Variants in SHROOM3 observed in about 807,000 individuals in gnomAD.
The protein encoded by SHROOM3 is shroom family member 3.
SHROOM3 carries 47 observed loss-of-function variants against 138.6 expected under a neutral mutation model. That is an observed-to-expected ratio of 0.34 (90% CI 0.27 to 0.43). The LOEUF (loss-of-function observed/expected upper bound fraction) is 0.43. Among genes scored for constraint, SHROOM3 ranks in the 20% least tolerant of loss-of-function variants. The pLI is 1.00. For missense variants in SHROOM3, 2,491 were observed against 2,596.5 expected, an observed-to-expected ratio of 0.96 and a Z score of 0.88; for synonymous variants, 1,062 against 1,063.3, an observed-to-expected ratio of 1.00 and a Z score of 0.02.
rs1337326966 is a variant in SHROOM3, at chr4:76,633,671, AAAAAAAAG to A, written c.324-76480_324-76473del. ...GACTCCGTCTCAAAAAAAAAAAAAA[AAAAAAAAG>A]AAAAGAAATTCTGCAACACACCTTG... On this transcript the variant is annotated intron_variant, in intron 2 of 10. Coordinates refer to ENST00000296043, the MANE Select transcript of SHROOM3 (RefSeq NM_020859.4). Among the ~76,000 whole-genome samples, 930 of 150,568 alleles carry A rather than the reference AAAAAAAAG, an allele frequency of 6.2e-3. 8 individuals are homozygous for A. Among genetic ancestry groups the A allele is most frequent in the African/African-American group, 0.022 (891 of 40,870 alleles).
intron 1 of SHROOM3, among the ~76,000 whole-genome samples, chr4:76,547,533 G>A (rs1329329717): frequency 6.6e-6 from 1 of 152,236 alleles, no homozygotes; most frequent in East Asian, 1.9e-4. Context: ...TGCTGTTCTG[G>A]GCGTCGGGGA....
intron 1 of SHROOM3, among the ~76,000 whole-genome samples, chr4:76,476,974 T>A (rs12651663): frequency 0.076 from 11,612 of 152,194 alleles, 787 homozygotes; most frequent in East Asian, 0.26. Flanking sequence ...GTTTTTAATT[T>A]ATTTATTTTT....
intron 2 of SHROOM3, among the ~76,000 whole-genome samples, chr4:76,635,105 A>G (rs932121692): frequency 6.6e-6 from 1 of 152,200 alleles, no homozygotes; most frequent in African/African-American, 2.4e-5. Flanking sequence ...TGATATTATC[A>G]TCTTAAAGTT....
At chr4:76,755,297 GTTTC>G in intron 7 of SHROOM3, 105 bp downstream of exon 7, 1 of 1,340,410 alleles carries the variant, frequency 7.5e-7, no homozygotes, top group Non-Finnish European at 1.0e-6. Context: ...GCATGGAGAT[GTTTC>G]TATACAGCTC....
chr4:76,499,296 T>G (rs937206369), intron 1 of SHROOM3, among the ~76,000 whole-genome samples: 2 of 152,184 alleles, frequency 1.3e-5, no homozygotes, highest in African/African-American at 4.8e-5. Context: ...CTCTCATCTG[T>G]CCCTGCTTCA....
At chr4:76,447,713 G>A (rs1213576694) in intron 1 of SHROOM3, among the ~76,000 whole-genome samples, 3 of 152,202 alleles carry the variant, frequency 2.0e-5, no homozygotes, top group Non-Finnish European at 4.4e-5. Context: ...TGATCTAAGT[G>A]TAAGGCAGCA....
intron 3 of SHROOM3, among the ~76,000 whole-genome samples, chr4:76,726,629 A>G (rs344131): frequency 0.53 from 80,228 of 150,256 alleles, 22,161 homozygotes; most frequent in Middle Eastern, 0.63. Flanking sequence ...CTACAGCTTC[A>G]AACTCCTGGG....
At position 76,770,695 on chromosome 4, in the gene SHROOM3, G is replaced by A; in HGVS notation, c.5419G>A (p.Asp1807Asn). ...LQEAKGSLLT[D>N]IKLNNALGEE... ...GGAGGCGAAGGGGAGCCTGCTCACGGACATCAAGCTCAACAACGCCCTGGG... is the reference window on the plus strand; with the variant it reads ...GGAGGCGAAGGGGAGCCTGCTCACGAACATCAAGCTCAACAACGCCCTGGG... Residue 1807 changes from aspartate to asparagine, a missense_variant, in exon 10 of 11, where the codon GAC becomes AAC. Physicochemically the swap from Asp to Asn is conservative, Grantham distance 23. Transcript: ENST00000296043. The A allele has an allele frequency of 6.2e-7, 1 of 1,614,182 alleles. No homozygotes were observed. Among genetic ancestry groups the A allele is most frequent in the Non-Finnish European group, 8.5e-7 (1 of 1,180,036 alleles).
chr4:76,455,242 T>A (rs1731005006), intron 1 of SHROOM3, among the ~76,000 whole-genome samples: 3 of 152,132 alleles, frequency 2.0e-5, no homozygotes, highest in African/African-American at 7.2e-5. Context: ...AAGCTTTTAG[T>A]TTTTAGCCAT....
intron 2 of SHROOM3, among the ~76,000 whole-genome samples, chr4:76,561,271 T>A (rs569386755): frequency 6.6e-6 from 1 of 152,292 alleles, no homozygotes; most frequent in African/African-American, 2.4e-5. Context: ...AATATACGTG[T>A]TTAGTAGTAC....
chr4:76,597,040 C>G (rs919747276), intron 2 of SHROOM3, among the ~76,000 whole-genome samples: 1 of 152,112 alleles, frequency 6.6e-6, no homozygotes, highest in African/African-American at 2.4e-5. Flanking sequence ...GACCTGTTCT[C>G]CTAGAATAGA....
chr4:76,740,727 G>A lies in SHROOM3; in HGVS notation c.2554G>A (p.Glu852Lys), dbSNP rs757622875. Residue 852 changes from glutamate to lysine, a missense_variant, in exon 5 of 11, where the codon GAG becomes AAG. Coordinates refer to ENST00000296043, the MANE Select transcript of SHROOM3 (RefSeq NM_020859.4). The surrounding 1 kb of genome is among the most constrained non-coding windows in gnomAD (Gnocchi z 4.0). ...GNGEQHFKNG[E>K]LKLEEASRQP... The stretch of plus-strand genomic sequence containing the variant: ...CGGGGAGCAGCACTTCAAAAACGGG[G>A]AGCTGAAGTTGGAAGAGGCTTCCCG... The A allele has an allele frequency of 1.2e-6, 2 of 1,613,434 alleles. No homozygotes were observed. The highest frequency in any genetic ancestry group is 1.3e-5 in the African/African-American group (1 of 74,950).
At chr4:76,702,217 A>G (rs1431444364) in intron 2 of SHROOM3, among the ~76,000 whole-genome samples, 1 of 152,232 alleles carries the variant, frequency 6.6e-6, no homozygotes, top group African/African-American at 2.4e-5. Flanking sequence ...TGGGGTAGGT[A>G]GTGGAGAGGG....
intron 10 of SHROOM3, among the ~76,000 whole-genome samples, chr4:76,772,614 G>A (rs1335526903): frequency 1.3e-5 from 2 of 152,194 alleles, no homozygotes; most frequent in Non-Finnish European, 2.9e-5. Flanking sequence ...TGCTGAGTCA[G>A]CTTCCTTATC....
intron 2 of SHROOM3, among the ~76,000 whole-genome samples, chr4:76,648,713 T>G (rs1735890331): frequency 1.3e-5 from 2 of 152,218 alleles, no homozygotes; most frequent in Non-Finnish European, 2.9e-5. Flanking sequence ...AAGGCTTTCT[T>G]TGATTAGAAA....
At chr4:76,459,641 T>C (rs1006075677) in intron 1 of SHROOM3, among the ~76,000 whole-genome samples, 4 of 152,008 alleles carry the variant, frequency 2.6e-5, no homozygotes, top group Non-Finnish European at 5.9e-5. Context: ...CTTTCACTAA[T>C]GCTGAGTCAT....
In SHROOM3 at chr4:76,710,294, C is replaced by A; in HGVS notation, c.455+7C>A. On this transcript the variant is annotated splice_region_variant and intron_variant, in intron 3 of 10. Coordinates refer to ENST00000296043, the MANE Select transcript of SHROOM3 (RefSeq NM_020859.4). ...AACTTCGGCTGAAGCACAGGTAAGA[C>A]GCACGGAAGTTGGTGCTGGCAGTTC... 6.2e-7 allele frequency: 1 copy of A among 1,613,744 alleles called. No individual in the cohort carries two copies. Among genetic ancestry groups the A allele is most frequent in the Non-Finnish European group, 8.5e-7 (1 of 1,179,862 alleles).
intron 1 of SHROOM3, among the ~76,000 whole-genome samples, chr4:76,467,773 C>G (rs529421890): frequency 6.6e-6 from 1 of 152,300 alleles, no homozygotes. Flanking sequence ...GGTATAACTT[C>G]AATAATTTCT....
rs1722745596 is a variant in SHROOM3 at position 76,781,978 on chromosome 4, C to T, written c.*2801C>T. 2 of 152,142 alleles carry T rather than the reference C, an allele frequency of 1.3e-5. No homozygotes were observed. Among genetic ancestry groups the T allele is most frequent in the East Asian group, 1.9e-4 (1 of 5,190 alleles). 9.4% of individuals were successfully genotyped at this position (152,142 alleles called of 1,614,324 possible). A position where few individuals can be genotyped will look rare whatever the true frequency, so the allele number is the denominator to read the frequency against. ...CTGGTCAGAACTCAGGTGAGATAAT[C>T]TTGCAATACTCCAAATGCAGATACT... On this transcript the variant is annotated 3_prime_UTR_variant, in exon 11 of 11. Coordinates refer to ENST00000296043, the MANE Select transcript of SHROOM3 (RefSeq NM_020859.4).
Sources: allele counts gnomAD v4.1 joint callset (sites outside exome capture counted in the v4.1 genomes callset), GRCh38; gene constraint gnomAD v4.1.1; non-coding constraint Gnocchi (gnomAD v3.1); transcripts MANE v1.5; gene names NCBI Gene and HGNC (gene_info 2026-07-23, HGNC 2026-07-21).